ZKSCAN5: variants seen among roughly 807,000 people sequenced by gnomAD.
ZKSCAN5 encodes the protein zinc finger with KRAB and SCAN domains 5, also known as zinc finger protein with KRAB and SCAN domains 5.
Under a neutral mutation model 60.0 loss-of-function variants are expected in ZKSCAN5, and 28 were observed. The observed-to-expected ratio is 0.47, with a 90% confidence interval of 0.35 to 0.64. The LOEUF (loss-of-function observed/expected upper bound fraction) is 0.64. Ranked by LOEUF, ZKSCAN5 falls within the 30% of genes least tolerant of loss-of-function variation. ZKSCAN5 has a pLI of 0.01. For missense variants in ZKSCAN5, 881 were observed against 1,034.6 expected (o/e 0.85, Z 2.04); for synonymous variants, 361 against 371.2 (o/e 0.97, Z 0.31).
chr7:99,509,615 C>T (rs1166538573), intron 2 of ZKSCAN5, among the ~76,000 whole-genome samples: 5 of 151,194 alleles, frequency 3.3e-5, no homozygotes, highest in Non-Finnish European at 7.4e-5. Context: ...TACAGGCACA[C>T]GCCACCATGC....
intron 3 of ZKSCAN5, among the ~76,000 whole-genome samples, chr7:99,518,756 A>G (rs1801384152): frequency 7.2e-6 from 1 of 139,648 alleles, no homozygotes; most frequent in Admixed American, 7.6e-5. Context: ...GCTCATTGCA[A>G]CCTCCGCCTC....
chr7:99,523,778 T>G (rs1215726133), intron 5 of ZKSCAN5, among the ~76,000 whole-genome samples: 1 of 152,208 alleles, frequency 6.6e-6, no homozygotes, highest in African/African-American at 2.4e-5. Context: ...CTGTTTTTAC[T>G]GTTTCAGTGT....
rs1387874209 is a variant in ZKSCAN5, at chr7:99,526,179, G to A, written c.1139G>A (p.Gly380Glu). 2 of 1,614,088 alleles carry A rather than the reference G, an allele frequency of 1.2e-6. No individual in the cohort carries two copies. Among genetic ancestry groups the A allele is most frequent in the African/African-American group, 1.3e-5 (1 of 74,930 alleles). ...AAACCGTTTAAGTGCGGAGAATGTGGGAAGAGCTACAATCAGCGGGTGCAC... is the reference window on the plus strand; with the variant it reads ...AAACCGTTTAAGTGCGGAGAATGTGAGAAGAGCTACAATCAGCGGGTGCAC... ...GEKPFKCGEC[G>E]KSYNQRVHLT... is the part of the protein sequence containing the mutation. Residue 380 changes from glycine (G) to glutamate (E), a missense_variant, in exon 6 of 7, where the codon GGG becomes GAG. Gly to Glu is a moderately conservative substitution (Grantham distance 98). This residue lies in a region of ZKSCAN5 where 490 missense variants were observed against 554.5 expected (regional missense o/e 0.88). Transcript: ENST00000326775.
At chr7:99,505,869 G>GA in intron 1 of ZKSCAN5, 136 bp from the exon 2 acceptor site, 1 of 648,350 alleles carries the variant, frequency 1.5e-6, no homozygotes, top group East Asian at 2.9e-5. Flanking sequence ...TTACTTTGTT[G>GA]AGTGGTCGTC....
chr7:99,505,805 T>C (rs1562899722), intron 1 of ZKSCAN5, 200 bp from the exon 2 acceptor site: 2 of 423,150 alleles, frequency 4.7e-6, no homozygotes, highest in Non-Finnish European at 4.3e-6. Flanking sequence ...TATTCCTTAT[T>C]ATCATTTTGT....
Position 99,526,064 on chromosome 7 carries a change from G to A in ZKSCAN5, c.1024G>A (p.Gly342Ser), listed in dbSNP as rs775694959. ...CATCAGCCCTAAGCAAAGCACACATGGCGAGAGAGGGCACAGATGCAGCGA... is the reference window on the plus strand; with the variant it reads ...CATCAGCCCTAAGCAAAGCACACATAGCGAGAGAGGGCACAGATGCAGCGA... ...TDISPKQSTH[G>S]ERGHRCSDCG... The change falls in exon 6 of 7, where the codon GGC becomes AGC. Residue 342 changes from glycine to serine, a missense_variant. This residue lies in a region of ZKSCAN5 where 490 missense variants were observed against 554.5 expected (regional missense o/e 0.88). Transcript: ENST00000326775. The A allele has an allele frequency of 6.2e-7, 1 of 1,614,174 alleles. No homozygotes were observed. The highest frequency in any genetic ancestry group is 1.7e-5 in the Admixed American group (1 of 60,018).
At position 99,531,187 on chromosome 7, in the gene ZKSCAN5, A is replaced by G. The variant is rs764175224; in HGVS notation, c.1458A>G (p.Leu486=). Reference sequence around the variant, plus strand: ...AATATTCAGAAGCAGACATGGAACTATCTGGAAAAACCCAAAGAAATGTTT... The same window carrying G: ...AATATTCAGAAGCAGACATGGAACTGTCTGGAAAAACCCAAAGAAATGTTT... ...ISEYSEADME[L]SGKTQRNVSQ... is the part of the protein sequence containing the mutation. The change falls in exon 7 of 7, where the codon CTA becomes CTG. Residue 486 remains leucine, a synonymous_variant. Transcript: ENST00000326775. The G allele has an allele frequency of 1.4e-5, 22 of 1,613,988 alleles. No homozygotes were observed. Among genetic ancestry groups the G allele is most frequent in the African/African-American group, 2.7e-5 (2 of 74,934 alleles).
intron 2 of ZKSCAN5, among the ~76,000 whole-genome samples, chr7:99,509,284 G>A (rs1247446631): frequency 1.3e-5 from 2 of 151,954 alleles, no homozygotes; most frequent in African/African-American, 2.4e-5. Flanking sequence ...CCACATGCCC[G>A]GCTTAATTTT....
intron 5 of ZKSCAN5, among the ~76,000 whole-genome samples, chr7:99,521,440 C>T (rs1801536279): frequency 6.6e-6 from 1 of 152,144 alleles, no homozygotes; most frequent in South Asian, 2.1e-4. Context: ...TCGTGATCTG[C>T]CCAGCTTGGC....
rs189840104 is a variant in ZKSCAN5 at position 99,509,687 on chromosome 7, C to T, written c.415-2766C>T. ...TTCACCGTGTTAGCCAGGATGGTCT[C>T]GATATCCTGACTTCGTGATCTGCCC... On this transcript the variant is annotated intron_variant, in intron 2 of 6. Transcript: ENST00000326775. 7.3e-5 allele frequency among the ~76,000 whole-genome samples: 11 copies of T among 150,480 alleles called. No individual in the cohort carries two copies. The South Asian group carries it at 1.1e-3, about 14-fold the overall frequency.
chr7:99,527,209 T>C (rs1254946264), intron 6 of ZKSCAN5, among the ~76,000 whole-genome samples: 1 of 152,124 alleles, frequency 6.6e-6, no homozygotes, highest in Non-Finnish European at 1.5e-5. Context: ...CATGTGCCTG[T>C]AGTTGCAGCT....
At position 99,526,357 on chromosome 7, in the gene ZKSCAN5, C is replaced by T. The variant is rs372702618; in HGVS notation, c.1317C>T (p.Phe439=). 20 of 1,605,810 alleles carry T rather than the reference C, an allele frequency of 1.2e-5. No individual in the cohort carries two copies. The highest frequency in any genetic ancestry group is 2.2e-5 in the East Asian group (1 of 44,880). The change falls in exon 6 of 7, where the codon TTC becomes TTT. Residue 439 remains phenylalanine (F), a synonymous_variant. Coordinates refer to ENST00000326775, the MANE Select transcript of ZKSCAN5 (RefSeq NM_145102.4). ...GCTGCAATGAGTGTGGGAAGAACTT[C>T]GGTCGCCATTCGCATCTGATCGAAC... ...PYGCNECGKN[F]GRHSHLIEHL...
chr7:99,524,916 C>T (rs563720033), intron 5 of ZKSCAN5, among the ~76,000 whole-genome samples: 14 of 152,074 alleles, frequency 9.2e-5, no homozygotes, highest in African/African-American at 3.4e-4. Flanking sequence ...TGTCTGTAAT[C>T]CCAGCACTTT....
Position 99,512,481 on chromosome 7 carries a change from G to A in ZKSCAN5, c.443G>A (p.Arg148Gln), listed in dbSNP as rs752105052. 8.7e-6 allele frequency: 14 copies of A among 1,613,326 alleles called. No individual in the cohort carries two copies. Among genetic ancestry groups the A allele is most frequent in the Middle Eastern group, 1.6e-4 (1 of 6,084 alleles). Reference sequence around the variant, plus strand: ...GTTGCCTGCCCTGATGTGCTTCCTCGGAAGATGGCAACACCTGGAGCAGTG... The same window carrying A: ...GTTGCCTGCCCTGATGTGCTTCCTCAGAAGATGGCAACACCTGGAGCAGTG... ...QIVACPDVLP[R>Q]KMATPGAVQE... Residue 148 changes from arginine (R) to glutamine (Q), a missense_variant, in exon 3 of 7, where the codon CGG becomes CAG. Physicochemically the swap from Arg to Gln is conservative, Grantham distance 43. This residue lies in a region of ZKSCAN5 where 490 missense variants were observed against 554.5 expected (regional missense o/e 0.88). Transcript: ENST00000326775.
chr7:99,514,053 A>G (rs909814709), intron 3 of ZKSCAN5, among the ~76,000 whole-genome samples: 3 of 152,174 alleles, frequency 2.0e-5, no homozygotes, highest in Admixed American at 6.6e-5. Context: ...CTCAAAAAAG[A>G]AAAGAATACT....
chr7:99,524,970 C>T (rs1801708204), intron 5 of ZKSCAN5, among the ~76,000 whole-genome samples: 1 of 150,348 alleles, frequency 6.7e-6, no homozygotes, highest in African/African-American at 2.5e-5. Flanking sequence ...AGTTCGAGAC[C>T]ACCTGGCCAA....
chr7:99,506,496 G>T, intron 2 of ZKSCAN5, 38 bp downstream of exon 2: 3 of 1,549,702 alleles, frequency 1.9e-6, no homozygotes, highest in Non-Finnish European at 2.6e-6. Flanking sequence ...ATGAAGGAGA[G>T]GAGTGAACCA....
At chr7:99,511,876 G>C (rs916511404) in intron 2 of ZKSCAN5, among the ~76,000 whole-genome samples, 3 of 151,596 alleles carry the variant, frequency 2.0e-5, no homozygotes, top group Admixed American at 6.6e-5. Context: ...TGCAAGCTCC[G>C]CCTCCCAGGT....
intron 3 of ZKSCAN5, among the ~76,000 whole-genome samples, chr7:99,516,358 T>A (rs1353202418): frequency 6.6e-6 from 1 of 152,182 alleles, no homozygotes; most frequent in Non-Finnish European, 1.5e-5. Flanking sequence ...GTATTCACCA[T>A]TTTCATCAAC....
Sources: gnomAD v4.1 joint callset for allele counts (sites outside exome capture counted in the v4.1 genomes callset) on GRCh38, gnomAD v4.1.1 for gene constraint, gnomAD v4.1.1 regional missense constraint, MANE v1.5 for transcripts, NCBI Gene and HGNC (gene_info 2026-07-23, HGNC 2026-07-21) for gene names.